The following FNBP1L variants were observed in gnomAD, a reference collection of about 807,000 sequenced individuals.
FNBP1L encodes the protein formin-binding protein 1-like.
FNBP1L carries 36 observed loss-of-function variants against 91.2 expected under a neutral mutation model. The ratio of observed to expected loss-of-function variants is 0.39; its 90% CI spans 0.30 to 0.52. The LOEUF is 0.52. Ranked by LOEUF, FNBP1L falls within the 20% of genes least tolerant of loss-of-function variation. FNBP1L has a pLI of 0.66. For missense variants in FNBP1L, 571 were observed against 732.1 expected (o/e 0.78, Z 2.54); for synonymous variants, 242 against 237.0 (o/e 1.02, Z -0.19).
chr1:93,501,709 T>C (rs1234021309), intron 2 of FNBP1L, among the ~76,000 whole-genome samples: 1 of 152,122 alleles, frequency 6.6e-6, no homozygotes, highest in Non-Finnish European at 1.5e-5. Context: ...AATCTACTTC[T>C]AGGGCCCCAA....
intron 2 of FNBP1L, among the ~76,000 whole-genome samples, chr1:93,506,219 A>C (rs1670607729): frequency 6.6e-6 from 1 of 152,222 alleles, no homozygotes; most frequent in African/African-American, 2.4e-5. Flanking sequence ...TAAGGACAGT[A>C]TCTGAAACAC....
chr1:93,522,233 T>TC, intron 3 of FNBP1L, 98 bp downstream of exon 3: 3 of 509,658 alleles, frequency 5.9e-6, no homozygotes, highest in Non-Finnish European at 8.9e-6. Flanking sequence ...TTTATAAAGA[T>TC]TTTATAAAGT....
chr1:93,488,019 C>T (rs1466865725), intron 1 of FNBP1L, among the ~76,000 whole-genome samples: 5 of 152,190 alleles, frequency 3.3e-5, no homozygotes, highest in African/African-American at 1.2e-4. Context: ...AACTTGATCT[C>T]TTATTTTAGT....
At chr1:93,511,669 TAA>T (rs1670847602) in intron 2 of FNBP1L, among the ~76,000 whole-genome samples, 2 of 152,100 alleles carry the variant, frequency 1.3e-5, no homozygotes, top group Admixed American at 1.3e-4. Flanking sequence ...GCAAATTGGA[TAA>T]AGAGTCAAGA....
chr1:93,453,664 T>G (rs927239855), intron 1 of FNBP1L, among the ~76,000 whole-genome samples: 1 of 152,206 alleles, frequency 6.6e-6, no homozygotes, highest in Admixed American at 6.5e-5. Context: ...AAAATCTGTC[T>G]TGGGGAATAT....
At chr1:93,497,099 A>G (rs1333603969) in intron 1 of FNBP1L, among the ~76,000 whole-genome samples, 2 of 152,040 alleles carry the variant, frequency 1.3e-5, no homozygotes, top group South Asian at 2.1e-4. Context: ...AGCTGGGACT[A>G]CAGGCATCCG....
intron 1 of FNBP1L, among the ~76,000 whole-genome samples, chr1:93,480,142 T>G (rs1557783462): frequency 6.6e-6 from 1 of 152,152 alleles, no homozygotes; most frequent in Non-Finnish European, 1.5e-5. Context: ...GTCCCTGACT[T>G]CCCACAACAA....
chr1:93,474,136 C>G (rs1360013623), intron 1 of FNBP1L, among the ~76,000 whole-genome samples: 1 of 152,062 alleles, frequency 6.6e-6, no homozygotes, highest in Non-Finnish European at 1.5e-5. Flanking sequence ...TCTAGCTACT[C>G]AGGAGGTGGA....
At chr1:93,516,445 C>T (rs902192077) in intron 2 of FNBP1L, among the ~76,000 whole-genome samples, 1 of 152,162 alleles carries the variant, frequency 6.6e-6, no homozygotes, top group Non-Finnish European at 1.5e-5. Context: ...TGTTCTAAAG[C>T]CCCACCTTCT....
At chr1:93,515,971 A>G (rs955011078) in intron 2 of FNBP1L, among the ~76,000 whole-genome samples, 1 of 152,204 alleles carries the variant, frequency 6.6e-6, no homozygotes, top group Non-Finnish European at 1.5e-5. Context: ...ATTATCCTCT[A>G]TGAGTCTCAT....
intron 1 of FNBP1L, among the ~76,000 whole-genome samples, chr1:93,496,980 A>C (rs1249235248): frequency 6.6e-6 from 1 of 152,106 alleles, no homozygotes; most frequent in Admixed American, 6.5e-5. Context: ...CTTTTTTTTG[A>C]GACAGAGTCT....
rs2433277 is a variant in FNBP1L, at chr1:93,494,168, A to T, written c.25-5300A>T. On this transcript the variant is annotated intron_variant, in intron 1 of 16. Coordinates refer to ENST00000271234, the MANE Select transcript of FNBP1L (RefSeq NM_001164473.3). ...TCCAGTTTGATAATTTGCTGTAATG[A>T]CTTACAGAACTCAGGGAAACACTTC... 3.3e-5 allele frequency among the ~76,000 whole-genome samples: 5 copies of T among 152,284 alleles called. No homozygotes were observed. In the East Asian group the frequency reaches 9.7e-4, roughly 29 times the overall value.
At position 93,532,966 on chromosome 1, in the gene FNBP1L, G is replaced by A. The variant is rs1002517607; in HGVS notation, c.684G>A (p.Glu228=). 3.1e-6 allele frequency: 5 copies of A among 1,612,942 alleles called. No individual in the cohort carries two copies. The Admixed American group carries it at 5.0e-5, about 16-fold the overall frequency. ...MDERRTIKLS[E]CYRGFADSER... Reference sequence around the variant, plus strand: ...AACGAAGGACTATTAAACTCAGTGAGTGTTACAGAGGATTTGCTGACTCAG... The same window carrying A: ...AACGAAGGACTATTAAACTCAGTGAATGTTACAGAGGATTTGCTGACTCAG... The change falls in exon 8 of 17, where the codon GAG becomes GAA. Residue 228 remains glutamate, a synonymous_variant. Coordinates refer to ENST00000271234, the MANE Select transcript of FNBP1L (RefSeq NM_001164473.3).
intron 1 of FNBP1L, among the ~76,000 whole-genome samples, chr1:93,451,056 A>C (rs1384281786): frequency 6.6e-6 from 1 of 152,216 alleles, no homozygotes; most frequent in Non-Finnish European, 1.5e-5. Flanking sequence ...TAAATAAGTT[A>C]GTGAATATAT....
intron 1 of FNBP1L, among the ~76,000 whole-genome samples, chr1:93,464,752 A>C (rs1669016857): frequency 6.6e-6 from 1 of 152,156 alleles, no homozygotes; most frequent in Non-Finnish European, 1.5e-5. Flanking sequence ...ACCTAGTTTG[A>C]TGTTATTGCT....
intron 5 of FNBP1L, among the ~76,000 whole-genome samples, chr1:93,524,977 C>T (rs530957399): frequency 1.6e-4 from 24 of 151,138 alleles, no homozygotes; most frequent in Admixed American, 1.3e-4. Context: ...TAAATGCTCT[C>T]GTATATAATT....
intron 1 of FNBP1L, among the ~76,000 whole-genome samples, chr1:93,462,595 T>C (rs1303172585): frequency 1.3e-5 from 2 of 152,214 alleles, no homozygotes; most frequent in Non-Finnish European, 2.9e-5. Flanking sequence ...TTGAAAATTT[T>C]GAGGAGTACT....
At chr1:93,489,166 T>C (rs754373725) in intron 1 of FNBP1L, among the ~76,000 whole-genome samples, 16 of 152,146 alleles carry the variant, frequency 1.1e-4, no homozygotes, top group Non-Finnish European at 1.9e-4. Context: ...TAACCATAAA[T>C]CAGGGTTGAA....
chr1:93,448,553 G>T (rs1363529025), intron 1 of FNBP1L, among the ~76,000 whole-genome samples: 1 of 152,164 alleles, frequency 6.6e-6, no homozygotes, highest in Admixed American at 6.5e-5. Flanking sequence ...GCCCGGGACG[G>T]CCGGGGGAGC....
Sources: allele counts gnomAD v4.1 joint callset (sites outside exome capture counted in the v4.1 genomes callset), GRCh38; gene constraint gnomAD v4.1.1; transcripts MANE v1.5; gene names NCBI Gene and HGNC (gene_info 2026-07-23, HGNC 2026-07-21).